Variants in DDIAS observed in about 807,000 individuals in gnomAD.
DDIAS encodes the protein DNA damage induced apoptosis suppressor.
In DDIAS, 14 loss-of-function variants were observed where a neutral mutation model predicts 15.7. The observed-to-expected ratio is 0.89, with a 90% CI of 0.59 to 1.39. The LOEUF is 1.39. Ranked by LOEUF, DDIAS falls within the 40% of genes most tolerant of loss-of-function variation. The pLI is 0.00. For synonymous variants in DDIAS, 355 were observed against 395.9 expected, an observed-to-expected ratio of 0.90 and a Z score of 1.23; for missense variants, 1,035 against 1,130.9, an observed-to-expected ratio of 0.92 and a Z score of 1.22.
At position 82,926,034 on chromosome 11, in the gene DDIAS, G is replaced by A. The variant is rs554645968; in HGVS notation, c.114-2743G>A. ...ATGGTAATCATTATACAGTGTAGAC[G>A]TATTTCAAATCACCATGTTGTATAC... On this transcript the variant is annotated intron_variant, in intron 3 of 5. Transcript: ENST00000533655. Among the ~76,000 whole-genome samples the A allele has an allele frequency of 4.5e-4, 67 of 150,542 alleles. 1 individual carries two copies. The highest frequency in any genetic ancestry group is 1.3e-3 in the African/African-American group (54 of 40,958).
intron 3 of DDIAS, among the ~76,000 whole-genome samples, chr11:82,918,113 G>T (rs1860667755): frequency 6.6e-6 from 1 of 152,118 alleles, no homozygotes; most frequent in Non-Finnish European, 1.5e-5. Context: ...CTGTTCTTTG[G>T]CCATGCAAAA....
At chr11:82,904,187 T>C (rs1263888885) in intron 1 of DDIAS, among the ~76,000 whole-genome samples, 1 of 152,250 alleles carries the variant, frequency 6.6e-6, no homozygotes, top group Non-Finnish European at 1.5e-5. Context: ...CATCTTATAC[T>C]TTTATGTTCT....
At chr11:82,903,670 A>G (rs1860371923) in intron 1 of DDIAS, among the ~76,000 whole-genome samples, 1 of 152,176 alleles carries the variant, frequency 6.6e-6, no homozygotes, top group African/African-American at 2.4e-5. Flanking sequence ...TTAGGGACTT[A>G]TTATGACTGC....
At chr11:82,905,528 A>C (rs139324208) in intron 1 of DDIAS, among the ~76,000 whole-genome samples, 2 of 152,294 alleles carry the variant, frequency 1.3e-5, no homozygotes, top group African/African-American at 4.8e-5. Context: ...TTTAAAAATA[A>C]GATTATATAC....
chr11:82,927,471 G>C (rs575249460), intron 3 of DDIAS, among the ~76,000 whole-genome samples: 1 of 152,298 alleles, frequency 6.6e-6, no homozygotes, highest in Non-Finnish European at 1.5e-5. Flanking sequence ...ACTCCCCCTA[G>C]TGGCCATCTG....
At chr11:82,930,025 G>GCTCTTAAAGTCACTTTTTTTCCT in intron 4 of DDIAS, 132 bp from the exon 5 acceptor site, 1 of 563,120 alleles carries the variant, frequency 1.8e-6, no homozygotes, top group Non-Finnish European at 3.1e-6. Flanking sequence ...AAACTGCCTG[G>GCTCTTAAAGTCACTTTTTTTCCT]CTCTTAAAGT....
chr11:82,918,770 G>A (rs1860683328), intron 3 of DDIAS, among the ~76,000 whole-genome samples: 1 of 151,902 alleles, frequency 6.6e-6, no homozygotes, highest in Non-Finnish European at 1.5e-5. Flanking sequence ...AGTTTTTCTT[G>A]TAGAGGTCTT....
In DDIAS at chr11:82,920,332, G is replaced by C. The variant is rs1053239883; in HGVS notation, c.113+5481G>C. Among the ~76,000 whole-genome samples the C allele has an allele frequency of 2.6e-5, 4 of 151,762 alleles. No individual in the cohort carries two copies. In the East Asian group the frequency reaches 7.7e-4, roughly 29 times the overall value. ...TTATCTTTTCAAAGAGCCAGCTTTT[G>C]GTTTCATGTATCTTTTGTATTTGTT... On this transcript the variant is annotated intron_variant, in intron 3 of 5. Coordinates refer to ENST00000533655, the MANE Select transcript of DDIAS (RefSeq NM_145018.4).
intron 2 of DDIAS, chr11:82,913,910 A>G (rs1383493983): frequency 2.3e-6 from 1 of 439,874 alleles, no homozygotes; most frequent in African/African-American, 2.1e-5. Flanking sequence ...TCTTATACAC[A>G]TAGTCTGAAG....
Position 82,934,383 on chromosome 11 carries a change from GT to G in DDIAS, c.*51del. The stretch of plus-strand genomic sequence containing the variant: ...TGAACTTTTAAATCTGTTTGGAAAT[GT>G]TTGCCTTCAGGGGTACGGAAAGCAT... On this transcript the variant is annotated 3_prime_UTR_variant, in exon 6 of 6. Transcript: ENST00000533655. 1.3e-6 allele frequency: 2 copies of G among 1,510,412 alleles called. No individual in the cohort carries two copies. Among genetic ancestry groups the G allele is most frequent in the Non-Finnish European group, 1.8e-6 (2 of 1,126,838 alleles). 93.6% of individuals were successfully genotyped at this position (1,510,412 alleles called of 1,614,324 possible). A position where few individuals can be genotyped will look rare whatever the true frequency, so the allele number is the denominator to read the frequency against.
chr11:82,932,251 A>C lies in DDIAS; in HGVS notation c.913A>C (p.Lys305Gln), dbSNP rs1220225501. The change falls in exon 6 of 6, where the codon AAG becomes CAG. Residue 305 changes from lysine (K) to glutamine (Q), a missense_variant. By Grantham distance (53) the Lys-to-Gln change is moderately conservative. Transcript: ENST00000533655. ...GAGCCTTGTTTCATATATGGATAAA[A>C]AGAGTACAGCAGAAAAGTTGGGTAA... ...SWSLVSYMDK[K>Q]STAEKLGKEL... The C allele has an allele frequency of 6.2e-7, 1 of 1,613,840 alleles. No individual in the cohort carries two copies. The highest frequency in any genetic ancestry group is 2.2e-5 in the East Asian group (1 of 44,878).
chr11:82,914,082 A>ATGCAT, intron 2 of DDIAS: 2 of 323,784 alleles, frequency 6.2e-6, no homozygotes, highest in Non-Finnish European at 1.2e-5. Flanking sequence ...GATTACAGGC[A>ATGCAT]CCCCCCACCA....
chr11:82,910,592 T>TTCTCTC (rs201976654), intron 1 of DDIAS, among the ~76,000 whole-genome samples: 65 of 139,386 alleles, frequency 4.7e-4, no homozygotes, highest in African/African-American at 1.9e-3. Context: ...TTTTAATTTT[T>TTCTCTC]TCTCTCTCTC....
At position 82,932,255 on chromosome 11, in the gene DDIAS, G is replaced by C. The variant is rs756803329; in HGVS notation, c.917G>C (p.Ser306Thr). ...CTTGTTTCATATATGGATAAAAAGA[G>C]TACAGCAGAAAAGTTGGGTAAAGAA... is the stretch of plus-strand genomic sequence containing the variant. ...WSLVSYMDKK[S>T]TAEKLGKELG... The change falls in exon 6 of 6, where the codon AGT becomes ACT. Residue 306 changes from serine (S) to threonine (T), a missense_variant. Physicochemically the swap from Ser to Thr is moderately conservative, Grantham distance 58. Transcript: ENST00000533655. 6.2e-7 allele frequency: 1 copy of C among 1,613,724 alleles called. No individual in the cohort carries two copies. The highest frequency in any genetic ancestry group is 1.1e-5 in the South Asian group (1 of 91,040).
chr11:82,929,217 T>C (rs1860932990), intron 4 of DDIAS, among the ~76,000 whole-genome samples: 1 of 152,228 alleles, frequency 6.6e-6, no homozygotes, highest in Non-Finnish European at 1.5e-5. Context: ...GAAAGTAACA[T>C]CATTTCAAAT....
intron 1 of DDIAS, among the ~76,000 whole-genome samples, chr11:82,902,400 G>T (rs1314118429): frequency 9.6e-6 from 1 of 104,008 alleles, no homozygotes; most frequent in East Asian, 2.6e-4. Context: ...CCCCTCCCCC[G>T]CCGCCCCAGC....
intron 1 of DDIAS, among the ~76,000 whole-genome samples, chr11:82,906,084 C>T (rs1412157739): frequency 6.6e-6 from 1 of 151,848 alleles, no homozygotes; most frequent in East Asian, 1.9e-4. Context: ...ATAAAAACAC[C>T]CCCAGAGCCT....
chr11:82,931,911 G>A lies in DDIAS; in HGVS notation c.573G>A (p.Arg191=). 1 of 1,614,096 alleles carries A rather than the reference G, an allele frequency of 6.2e-7. No individual in the cohort carries two copies. Among genetic ancestry groups the A allele is most frequent in the South Asian group, 1.1e-5 (1 of 91,078 alleles). The change falls in exon 6 of 6, where the codon AGG becomes AGA. Residue 191 remains arginine, a synonymous_variant. Coordinates refer to ENST00000533655, the MANE Select transcript of DDIAS (RefSeq NM_145018.4). ...AACTTTTGCAGACTTTTAATTTCAGGAAACTTCAGTGTGACTCTCAGGCAC... is the reference window on the plus strand; with the variant it reads ...AACTTTTGCAGACTTTTAATTTCAGAAAACTTCAGTGTGACTCTCAGGCAC... ...FHQLLQTFNF[R]KLQCDSQAPN... is the part of the protein sequence containing the mutation.
At position 82,928,757 on chromosome 11, in the gene DDIAS, T is replaced by C; in HGVS notation, c.114-20T>C. 1 of 1,610,526 alleles carries C rather than the reference T, an allele frequency of 6.2e-7. No individual in the cohort carries two copies. ...AACATTTAATGAACATCTCCACACT[T>C]TTTTCCACCACTTTTCTAGGTCTAA... On this transcript the variant is annotated intron_variant, in intron 3 of 5. Transcript: ENST00000533655.
Sources: gnomAD v4.1 joint callset for allele counts (sites outside exome capture counted in the v4.1 genomes callset) on GRCh38, gnomAD v4.1.1 for gene constraint, MANE v1.5 for transcripts, NCBI Gene and HGNC (gene_info 2026-07-23, HGNC 2026-07-21) for gene names.